The following ARHGEF11 variants were observed in gnomAD, a reference collection of about 807,000 sequenced individuals.
ARHGEF11 encodes Rho guanine nucleotide exchange factor 11, also known as Rho guanine exchange factor (GEF) 11.
In ARHGEF11, 55 loss-of-function variants were observed where a neutral mutation model predicts 193.7. The ratio of observed to expected loss-of-function variants is 0.28; its 90% CI spans 0.23 to 0.36. The LOEUF (loss-of-function observed/expected upper bound fraction) is 0.36. Among genes scored for constraint, ARHGEF11 ranks in the 10% least tolerant of loss-of-function variants. The pLI, the probability that ARHGEF11 is intolerant of heterozygous loss-of-function variation, is 1.00. For missense variants in ARHGEF11, 1,723 were observed against 2,005.6 expected, an observed-to-expected ratio of 0.86 and a Z score of 2.69; for synonymous variants, 693 against 768.0, an observed-to-expected ratio of 0.90 and a Z score of 1.62.
upstream of ARHGEF11, among the ~76,000 whole-genome samples, chr1:157,046,860 A>G (rs1644746812): frequency 1.3e-5 from 2 of 151,622 alleles, no homozygotes; most frequent in Non-Finnish European, 2.9e-5. Context: ...AAAAATACAA[A>G]ACTAGCCGTA....
Position 156,948,461 on chromosome 1 carries a change from G to A in ARHGEF11, c.1963C>T (p.Leu655Phe), listed in dbSNP as rs1377735076. 17 of 1,614,102 alleles carry A rather than the reference G, an allele frequency of 1.1e-5. No homozygotes were observed. The highest frequency in any genetic ancestry group is 3.3e-5 in the Admixed American group (2 of 60,010). Residue 655 changes from leucine (L) to phenylalanine (F), a missense_variant, in exon 23 of 41, where the codon CTC becomes TTC. By Grantham distance (22) the Leu-to-Phe change is conservative (BLOSUM62 0). Coordinates refer to ENST00000368194, the MANE Select transcript of ARHGEF11 (RefSeq NM_198236.3). This position sits in a 1 kb window ranked among gnomAD's most constrained non-coding sequence, Gnocchi z 4.2. Reference sequence around the variant, plus strand: ...CGTTTCATCTCTTCCCGGCCCTTGAGGCTTTCAGAGCGGCCCAGGCGAATC... The same window carrying A: ...CGTTTCATCTCTTCCCGGCCCTTGAAGCTTTCAGAGCGGCCCAGGCGAATC... ...SEIRLGRSES[L>F]KGREEMKRSR...
chr1:156,998,074 T>C (rs1030317987), intron 1 of ARHGEF11, among the ~76,000 whole-genome samples: 1 of 152,176 alleles, frequency 6.6e-6, no homozygotes, highest in Non-Finnish European at 1.5e-5. Context: ...GCACCTGGTA[T>C]ATATTTCTGC....
At chr1:157,000,992 CT>C in intron 1 of ARHGEF11, among the ~76,000 whole-genome samples, 1 of 152,150 alleles carries the variant, frequency 6.6e-6, no homozygotes, top group African/African-American at 2.4e-5. Context: ...CCAGGTCCCC[CT>C]GGAAATTCCT....
At chr1:157,031,226 T>C (rs1296494480) in intron 1 of ARHGEF11, among the ~76,000 whole-genome samples, 1 of 152,138 alleles carries the variant, frequency 6.6e-6, no homozygotes, top group Non-Finnish European at 1.5e-5. Context: ...AAAATTCCCA[T>C]AGGCCACACC....
intron 18 of ARHGEF11, 82 bp downstream of exon 18, chr1:156,957,710 T>C: frequency 1.4e-6 from 2 of 1,449,252 alleles, no homozygotes; most frequent in Non-Finnish European, 1.9e-6. Context: ...TCCCCTGTGA[T>C]TGTCAGAAAT....
At chr1:157,020,825 T>C (rs979851107) in intron 1 of ARHGEF11, among the ~76,000 whole-genome samples, 5 of 152,236 alleles carry the variant, frequency 3.3e-5, no homozygotes, top group African/African-American at 9.6e-5. Flanking sequence ...ACAGCAAGGA[T>C]AAATTACAAT....
chr1:157,015,598 T>A (rs1256709580), intron 1 of ARHGEF11, among the ~76,000 whole-genome samples: 6 of 152,208 alleles, frequency 3.9e-5, no homozygotes, highest in African/African-American at 1.4e-4. Flanking sequence ...GTCTTATCCA[T>A]CTTTGCAGCC....
intron 1 of ARHGEF11, among the ~76,000 whole-genome samples, chr1:157,025,215 T>C (rs571723788): frequency 3.8e-4 from 58 of 152,218 alleles, no homozygotes; most frequent in Non-Finnish European, 7.9e-4. Flanking sequence ...GTGGTGCCTT[T>C]ACTCTTCCTT....
intron 5 of ARHGEF11, 111 bp downstream of exon 5, chr1:156,979,118 A>G (rs1197108450): frequency 9.0e-6 from 9 of 998,706 alleles, no homozygotes; most frequent in Admixed American, 5.5e-5. Flanking sequence ...GCTGCCTCAC[A>G]TATCTACAAA....
intron 1 of ARHGEF11, among the ~76,000 whole-genome samples, chr1:157,006,601 A>C (rs863717): frequency 0.35 from 53,131 of 152,110 alleles, 10,840 homozygotes; most frequent in Middle Eastern, 0.5. Context: ...TCTGGTGCAG[A>C]AGACAGCTCT....
chr1:156,988,639 GA>G (rs1266567083), intron 1 of ARHGEF11, among the ~76,000 whole-genome samples: 2 of 152,142 alleles, frequency 1.3e-5, no homozygotes, highest in African/African-American at 2.4e-5. Flanking sequence ...AAAGGCAAAT[GA>G]ACCAAAAGGT....
At chr1:157,001,241 T>C (rs1355863884) in intron 1 of ARHGEF11, among the ~76,000 whole-genome samples, 1 of 152,208 alleles carries the variant, frequency 6.6e-6, no homozygotes, top group East Asian at 1.9e-4. Context: ...TTCTATTTTT[T>C]TGTTTCTTTA....
chr1:157,035,074 T>C (rs762378391), intron 1 of ARHGEF11, among the ~76,000 whole-genome samples: 3 of 152,116 alleles, frequency 2.0e-5, no homozygotes, highest in Non-Finnish European at 2.9e-5. Context: ...TATTGAGATG[T>C]GGGCTAAACT....
intron 37 of ARHGEF11, chr1:156,938,854 C>T (rs1656123291): frequency 3.4e-6 from 1 of 297,478 alleles, no homozygotes; most frequent in South Asian, 6.9e-5. Context: ...ATGTGTGCCC[C>T]AGGCTTTGTT....
At position 156,947,333 on chromosome 1, in the gene ARHGEF11, G is replaced by A. The variant is rs747246966; in HGVS notation, c.2459C>T (p.Pro820Leu). The A allele has an allele frequency of 1.1e-5, 18 of 1,612,090 alleles. No homozygotes were observed. In the East Asian group the frequency reaches 1.8e-4, roughly 16 times the overall value. Residue 820 changes from proline to leucine, a missense_variant, in exon 26 of 41, where the codon CCG (proline) becomes CTG (leucine). This residue lies in a region of ARHGEF11 where 491 missense variants were observed against 654.5 expected (regional missense o/e 0.75). Transcript: ENST00000368194. ...AATCTCTATGAGTTCAGGCAGGTTC[G>A]GGAAGAGCCGGGCCAGCTCCTCCCG... ...MPREELARLF[P>L]NLPELIEIHN...
intron 25 of ARHGEF11, 98 bp from the exon 26 acceptor site, chr1:156,947,548 T>C: frequency 4.9e-6 from 7 of 1,421,502 alleles, no homozygotes; most frequent in South Asian, 1.5e-5. Flanking sequence ...CACTCTATTT[T>C]TGGGGGAACT....
chr1:156,941,168 G>A (rs1317020919), intron 35 of ARHGEF11, among the ~76,000 whole-genome samples: 4 of 152,072 alleles, frequency 2.6e-5, no homozygotes, highest in African/African-American at 9.7e-5. Flanking sequence ...TCAGGTGAGC[G>A]AGTTCACCCT....
chr1:156,976,729 CT>C lies in ARHGEF11; in HGVS notation c.582+253del, dbSNP rs566555473. ...AAATGTCCCAGATAAACTCTGTTGACTTTTTTTTGTGTACATATTCACTATC... is the reference window on the plus strand; with the variant it reads ...AAATGTCCCAGATAAACTCTGTTGACTTTTTTTGTGTACATATTCACTATC... On this transcript the variant is annotated intron_variant, in intron 7 of 40. Coordinates refer to ENST00000368194, the MANE Select transcript of ARHGEF11 (RefSeq NM_198236.3). Among the ~76,000 whole-genome samples, 15 of 152,154 alleles carry C rather than the reference CT, an allele frequency of 9.9e-5. No homozygotes were observed. In the South Asian group the frequency reaches 3.1e-3, roughly 32 times the overall value.
Position 156,940,423 on chromosome 1 carries a change from T to C in ARHGEF11, c.3517A>G (p.Thr1173Ala). The change falls in exon 36 of 41, where the codon ACT (threonine) becomes GCT (alanine). Residue 1173 changes from threonine to alanine, a missense_variant and splice_region_variant. Thr to Ala is a moderately conservative substitution (Grantham distance 58). Transcript: ENST00000368194. ...EPEPEELPGG[T>A]GSQQRVQGKH... ...CCTTGGACCCTCTGCTGGGACCCAGTGCCTGTTTCGGATGAGAGAAGATTG... is the reference window on the plus strand; with the variant it reads ...CCTTGGACCCTCTGCTGGGACCCAGCGCCTGTTTCGGATGAGAGAAGATTG... 11 of 1,598,180 alleles carry C rather than the reference T, an allele frequency of 6.9e-6. No homozygotes were observed. Among genetic ancestry groups the C allele is most frequent in the Non-Finnish European group, 8.6e-6 (10 of 1,168,600 alleles).
Sources: allele counts gnomAD v4.1 joint callset (sites outside exome capture counted in the v4.1 genomes callset), GRCh38; gene constraint gnomAD v4.1.1; regional missense constraint gnomAD v4.1.1; non-coding constraint Gnocchi (gnomAD v3.1); transcripts MANE v1.5; gene names NCBI Gene and HGNC (gene_info 2026-07-23, HGNC 2026-07-21).